PRLR: variants seen among roughly 807,000 people sequenced by gnomAD.
PRLR encodes prolactin receptor, also known as hPRL receptor.
In PRLR, 13 loss-of-function variants were observed where a neutral mutation model predicts 40.2. The observed-to-expected ratio is 0.32, with a 90% CI of 0.21 to 0.51. PRLR has a LOEUF of 0.51. Among genes scored for constraint, PRLR ranks in the 20% least tolerant of loss-of-function variants. The pLI, the probability that PRLR is intolerant of heterozygous loss-of-function variation, is 0.97. For missense variants in PRLR, 656 were observed against 747.3 expected (o/e 0.88, Z 1.42); for synonymous variants, 269 against 278.7 (o/e 0.97, Z 0.35).
At chr5:35,077,323 T>C (rs1193966133) in intron 5 of PRLR, among the ~76,000 whole-genome samples, 9 of 152,002 alleles carry the variant, frequency 5.9e-5, no homozygotes, top group Admixed American at 5.9e-4. Context: ...GAGACACACA[T>C]AGGCTCAAAA....
chr5:35,224,105 G>A (rs1254435531), intron 1 of PRLR, among the ~76,000 whole-genome samples: 2 of 152,148 alleles, frequency 1.3e-5, no homozygotes, highest in Non-Finnish European at 2.9e-5. Context: ...TTCCGTTTAG[G>A]TCATTAACAT....
chr5:35,098,160 T>C (rs991336714), intron 2 of PRLR, among the ~76,000 whole-genome samples: 2 of 152,192 alleles, frequency 1.3e-5, no homozygotes, highest in African/African-American at 4.8e-5. Context: ...TGAAAAGCTA[T>C]GGCCCATGGG....
At chr5:35,186,587 C>A (rs1775440068) in intron 1 of PRLR, among the ~76,000 whole-genome samples, 1 of 152,164 alleles carries the variant, frequency 6.6e-6, no homozygotes, top group East Asian at 1.9e-4. Flanking sequence ...GGTGCTGGTG[C>A]TACTCAAGGC....
chr5:35,069,710 T>C (rs948361611), intron 7 of PRLR, among the ~76,000 whole-genome samples: 1 of 152,248 alleles, frequency 6.6e-6, no homozygotes, highest in African/African-American at 2.4e-5. Context: ...GTCTATCTTA[T>C]ATCCTGTGTC....
chr5:35,167,579 A>G (rs755189056), intron 1 of PRLR, among the ~76,000 whole-genome samples: 9 of 152,126 alleles, frequency 5.9e-5, no homozygotes, highest in Non-Finnish European at 1.3e-4. Context: ...TGAAAACAGT[A>G]AATATAGGGT....
At chr5:35,070,841 CAAAAAAA>C (rs34668616) in intron 6 of PRLR, among the ~76,000 whole-genome samples, 1 of 69,168 alleles carries the variant, frequency 1.4e-5, no homozygotes, top group East Asian at 3.9e-4. Flanking sequence ...AACTCCGTCT[CAAAAAAA>C]AAAAAAAAAA....
chr5:35,206,850 G>T (rs1218461234), intron 1 of PRLR, among the ~76,000 whole-genome samples: 3 of 151,950 alleles, frequency 2.0e-5, no homozygotes, highest in Admixed American at 6.6e-5. Flanking sequence ...AAAGAAAGAA[G>T]ATCAAATTAA....
At chr5:35,098,275 A>T (rs936682662) in intron 2 of PRLR, among the ~76,000 whole-genome samples, 1 of 152,130 alleles carries the variant, frequency 6.6e-6, no homozygotes, top group Non-Finnish European at 1.5e-5. Flanking sequence ...TGCCCTTAGG[A>T]TGTCACAGAT....
intron 1 of PRLR, among the ~76,000 whole-genome samples, chr5:35,183,062 T>C (rs1775333451): frequency 6.6e-6 from 1 of 152,188 alleles, no homozygotes; most frequent in African/African-American, 2.4e-5. Context: ...AGGAAAAGAA[T>C]TCCCTCTTCA....
At chr5:35,176,792 G>GCCCGACA (rs1775160829) in intron 1 of PRLR, among the ~76,000 whole-genome samples, 1 of 152,148 alleles carries the variant, frequency 6.6e-6, no homozygotes, top group African/African-American at 2.4e-5. Context: ...CCGTCCCCCA[G>GCCCGACA]CCCGACACCC....
Position 35,088,672 on chromosome 5 carries a change from T to G in PRLR, c.70+879A>C, listed in dbSNP as rs551471611. ...GGAACAAGTTAACATTAATGGACTT[T>G]CTCAATGCACAGAAACACGGAGAAA... On this transcript the variant is annotated intron_variant, in intron 3 of 9. Transcript: ENST00000618457. Among the ~76,000 whole-genome samples, 26 of 152,278 alleles carry G rather than the reference T, an allele frequency of 1.7e-4. No homozygotes were observed. The South Asian group carries it at 5.4e-3, about 32-fold the overall frequency.
At position 35,058,584 on chromosome 5, in the gene PRLR, A is replaced by C. The variant is rs1364267325; in HGVS notation, c.*6505T>G. On this transcript the variant is annotated 3_prime_UTR_variant, in exon 10 of 10. Coordinates refer to ENST00000618457, the MANE Select transcript of PRLR (RefSeq NM_000949.7). The stretch of plus-strand genomic sequence containing the variant: ...ACAAAGATTAGGAAAAAATTAGTAC[A>C]TTCACGCTTTCAACAGAAATACATT... The C allele has an allele frequency of 6.6e-6, 1 of 152,248 alleles. No individual in the cohort carries two copies. Among genetic ancestry groups the C allele is most frequent in the Non-Finnish European group, 1.5e-5 (1 of 68,038 alleles). 9.4% of individuals were successfully genotyped at this position (152,248 alleles called of 1,614,324 possible). A position where few individuals can be genotyped will look rare whatever the true frequency, so the allele number is the denominator to read the frequency against.
intron 1 of PRLR, among the ~76,000 whole-genome samples, chr5:35,199,722 T>C (rs1775828818): frequency 6.6e-6 from 1 of 152,170 alleles, no homozygotes; most frequent in Non-Finnish European, 1.5e-5. Flanking sequence ...TGATTGTAAA[T>C]CTGTAGAGGA....
At chr5:35,114,136 T>C (rs1387758623) in intron 2 of PRLR, among the ~76,000 whole-genome samples, 1 of 152,124 alleles carries the variant, frequency 6.6e-6, no homozygotes, top group Non-Finnish European at 1.5e-5. Context: ...GCATGATCCA[T>C]GGGTAGGCAC....
intron 1 of PRLR, among the ~76,000 whole-genome samples, chr5:35,173,563 G>T (rs1320599941): frequency 6.6e-6 from 1 of 152,134 alleles, no homozygotes; most frequent in Non-Finnish European, 1.5e-5. Flanking sequence ...GAAAAAATTG[G>T]CAAACAAAAT....
chr5:35,181,034 A>G lies in PRLR; in HGVS notation c.-106+49234T>C, dbSNP rs570479261. ...GTACATAGTAGGTATTTAAACATAT[A>G]TTGGTCATTAGTATGTCCTTGAGTA... On this transcript the variant is annotated intron_variant, in intron 1 of 9. Coordinates refer to ENST00000618457, the MANE Select transcript of PRLR (RefSeq NM_000949.7). 4.6e-5 allele frequency among the ~76,000 whole-genome samples: 7 copies of G among 152,314 alleles called. 1 individual carries two copies. The highest frequency in any genetic ancestry group is 1.7e-4 in the African/African-American group (7 of 41,570).
intron 1 of PRLR, among the ~76,000 whole-genome samples, chr5:35,215,610 G>A (rs970149731): frequency 6.6e-6 from 1 of 152,096 alleles, no homozygotes; most frequent in Non-Finnish European, 1.5e-5. Context: ...TTCACTCCTG[G>A]AAAATTAGAG....
At position 35,065,557 on chromosome 5, in the gene PRLR, A is replaced by G. The variant is rs1769309500; in HGVS notation, c.1401T>C (p.Ser467=). The change falls in exon 10 of 10, where the codon TCT becomes TCC. Residue 467 remains serine (S), a synonymous_variant. Transcript: ENST00000618457. The part of the protein sequence containing the change: ...DALKSSQTIK[S]REEGKATQQR... ...GCTGGGTTGCCTTTCCCTCTTCTCT[A>G]GACTTAATGGTTTGAGAGGATTTTA... 1.2e-6 allele frequency: 2 copies of G among 1,613,900 alleles called. No homozygotes were observed. The highest frequency in any genetic ancestry group is 1.3e-5 in the African/African-American group (1 of 74,862).
intron 5 of PRLR, chr5:35,081,098 A>C (rs1489669873): frequency 6.6e-6 from 1 of 151,674 alleles, no homozygotes. Context: ...GTAAATGATG[A>C]GTTAATGGTT....
Sources: gnomAD v4.1 joint callset for allele counts (sites outside exome capture counted in the v4.1 genomes callset) on GRCh38, gnomAD v4.1.1 for gene constraint, MANE v1.5 for transcripts, NCBI Gene and HGNC (gene_info 2026-07-23, HGNC 2026-07-21) for gene names.